The following GGACT variants were observed in gnomAD, a reference collection of about 807,000 sequenced individuals.
GGACT encodes the protein gamma-glutamylaminecyclotransferase.
For missense variants in GGACT, 241 were observed against 233.2 expected (o/e 1.03, Z -0.22); for synonymous variants, 118 against 115.3 (o/e 1.02, Z -0.15).
chr13:100,532,233 C>T lies in GGACT; in HGVS notation c.359G>A (p.Ser120Asn). The change falls in exon 3 of 3, where the codon AGC becomes AAC. Residue 120 changes from serine to asparagine, a missense_variant. By Grantham distance (46) the Ser-to-Asn change is conservative (BLOSUM62 1). Transcript: ENST00000683975. ...CCACTCCGGCGGGAAGGTGGCCCTG[C>T]TGTACACGAAGCACTGCACCGCGGT... ...APTAVQCFVYSRATFPPEWAQ... is the reference protein window; with the variant it reads ...APTAVQCFVYNRATFPPEWAQ... 1 of 1,499,766 alleles carries T rather than the reference C, an allele frequency of 6.7e-7. No individual in the cohort carries two copies. Among genetic ancestry groups the T allele is most frequent in the Non-Finnish European group, 8.9e-7 (1 of 1,117,530 alleles). The allele number at this position is 1,499,766 out of a possible 1,614,324, so 92.9% of individuals were successfully genotyped here. A position where few individuals can be genotyped will look rare whatever the true frequency, so the allele number is the denominator to read the frequency against.
At chr13:100,569,331 C>G (rs1378588851) in intron 2 of GGACT, among the ~76,000 whole-genome samples, 1 of 152,266 alleles carries the variant, frequency 6.6e-6, no homozygotes, top group Non-Finnish European at 1.5e-5. Context: ...GAAATCTAGG[C>G]AGAGGTTCCC....
intron 1 of GGACT, among the ~76,000 whole-genome samples, chr13:100,587,887 G>A (rs1234096559): frequency 2.6e-5 from 4 of 152,166 alleles, no homozygotes; most frequent in African/African-American, 9.7e-5. Flanking sequence ...TAAGCTGGGC[G>A]TGATAGCAGG....
intron 2 of GGACT, among the ~76,000 whole-genome samples, chr13:100,569,807 C>T (rs1172420874): frequency 6.6e-6 from 1 of 152,208 alleles, no homozygotes; most frequent in Non-Finnish European, 1.5e-5. Context: ...GAAACTTCTA[C>T]CACCAGATAC....
chr13:100,532,168 G>GC lies in GGACT; in HGVS notation c.423dup (p.Pro142AlafsTer48). On this transcript the variant is annotated frameshift_variant, in exon 3 of 3. Coordinates refer to ENST00000683975, the MANE Select transcript of GGACT (RefSeq NM_001195087.2). LOFTEE classifies it high-confidence loss of function. ...CGGGGGTTGTAGCGCAGCCCGTGCG[G>GC]CCCCTCGGAGTCGTAGCTGTCATGG... The GC allele has an allele frequency of 2.1e-6, 3 of 1,460,714 alleles. No homozygotes were observed. The highest frequency in any genetic ancestry group is 1.8e-6 in the Non-Finnish European group (2 of 1,100,648). 90.5% of individuals were successfully genotyped at this position (1,460,714 alleles called of 1,614,324 possible).
At chr13:100,536,500 GT>G (rs1255813743) in intron 2 of GGACT, 9 of 144,522 alleles carry the variant, frequency 6.2e-5, no homozygotes, top group African/African-American at 2.1e-4. Flanking sequence ...TATTTTTCTT[GT>G]TGTGTGTTTT....
rs1471716363 is a variant in GGACT, at chr13:100,557,015, A to G, written c.-10-24414T>C. Among the ~76,000 whole-genome samples, 30 of 152,054 alleles carry G rather than the reference A, an allele frequency of 2.0e-4. No individual in the cohort carries two copies. In the East Asian group the frequency reaches 5.3e-3, roughly 27 times the overall value. ...AGCGATTCTCATGCCTCAGCCTCCC[A>G]AGCAGCTGGGACTACAAGCATACAC... On this transcript the variant is annotated intron_variant, in intron 2 of 2. Coordinates refer to ENST00000683975, the MANE Select transcript of GGACT (RefSeq NM_001195087.2).
intron 2 of GGACT, among the ~76,000 whole-genome samples, chr13:100,549,361 A>T (rs1594187851): frequency 6.6e-6 from 1 of 152,152 alleles, no homozygotes. Context: ...ATCAACAGCC[A>T]CCCATGTGGC....
At chr13:100,548,519 G>A (rs1439580725) in intron 2 of GGACT, among the ~76,000 whole-genome samples, 2 of 152,210 alleles carry the variant, frequency 1.3e-5, no homozygotes, top group African/African-American at 4.8e-5. Flanking sequence ...TAAAAGTGAA[G>A]AAATACAAAT....
At chr13:100,547,971 A>C (rs2088623910) in intron 2 of GGACT, among the ~76,000 whole-genome samples, 2 of 152,246 alleles carry the variant, frequency 1.3e-5, no homozygotes, top group South Asian at 4.1e-4. Context: ...ACACGCTGGC[A>C]GTTGCTCAAA....
chr13:100,551,292 A>C (rs1196754474), intron 2 of GGACT, among the ~76,000 whole-genome samples: 1 of 152,088 alleles, frequency 6.6e-6, no homozygotes, highest in African/African-American at 2.4e-5. Context: ...TCAAAAAAAA[A>C]ACAAAAACCC....
intron 2 of GGACT, among the ~76,000 whole-genome samples, chr13:100,553,243 T>C (rs2153014418): frequency 6.6e-6 from 1 of 152,128 alleles, no homozygotes; most frequent in Non-Finnish European, 1.5e-5. Flanking sequence ...TTAGGAAAGC[T>C]GAGCCTGTGT....
rs755844327 is a variant in GGACT at position 100,532,197 on chromosome 13, G to C, written c.395C>G (p.Pro132Arg). 2.0e-6 allele frequency: 3 copies of C among 1,476,118 alleles called. No homozygotes were observed. The Admixed American group carries it at 7.1e-5, about 35-fold the overall frequency. 91.4% of individuals were successfully genotyped at this position (1,476,118 alleles called of 1,614,324 possible). The change falls in exon 3 of 3, where the codon CCG becomes CGG. Residue 132 changes from proline to arginine, a missense_variant. By Grantham distance (103) the Pro-to-Arg change is moderately radical. Coordinates refer to ENST00000683975, the MANE Select transcript of GGACT (RefSeq NM_001195087.2). The stretch of plus-strand genomic sequence containing the variant: ...CTCGGAGTCGTAGCTGTCATGGTGC[G>C]GGAGCTGGGCCCACTCCGGCGGGAA... ...ATFPPEWAQL[P>R]HHDSYDSEGP... is the part of the protein sequence containing the mutation.
intron 2 of GGACT, among the ~76,000 whole-genome samples, chr13:100,533,993 C>T (rs1489315058): frequency 1.3e-5 from 2 of 152,218 alleles, no homozygotes; most frequent in South Asian, 2.1e-4. Context: ...GAAACAGCAG[C>T]GGCTCGTGAC....
chr13:100,537,303 T>G (rs1274285993), intron 2 of GGACT: 1 of 152,244 alleles, frequency 6.6e-6, no homozygotes, highest in Non-Finnish European at 1.5e-5. Context: ...GAGGTTTTCT[T>G]CAGGTACAGG....
intron 2 of GGACT, among the ~76,000 whole-genome samples, chr13:100,549,205 G>A (rs1208427938): frequency 6.6e-6 from 1 of 152,202 alleles, no homozygotes; most frequent in Non-Finnish European, 1.5e-5. Flanking sequence ...GCCAGATGTG[G>A]TGGGTGCCTG....
At position 100,530,223 on chromosome 13, in the gene GGACT, T is replaced by G; in HGVS notation, c.*1907A>C. ...TTAATTAGCCATTTGCATGATGCTT[T>G]CACACACAATTGATTCAAGCATTAT... On this transcript the variant is annotated 3_prime_UTR_variant, in exon 3 of 3. Transcript: ENST00000683975. 7.7e-7 allele frequency: 1 copy of G among 1,299,854 alleles called. No homozygotes were observed. Among genetic ancestry groups the G allele is most frequent in the Admixed American group, 1.7e-5 (1 of 58,538 alleles). 80.5% of individuals were successfully genotyped at this position (1,299,854 alleles called of 1,614,324 possible).
At chr13:100,551,055 C>T (rs762192368) in intron 2 of GGACT, among the ~76,000 whole-genome samples, 13 of 152,194 alleles carry the variant, frequency 8.5e-5, no homozygotes, top group Non-Finnish European at 1.3e-4. Flanking sequence ...GAGGCCGAGG[C>T]GGGTGGATCA....
chr13:100,552,523 T>C (rs1426477137), intron 2 of GGACT, among the ~76,000 whole-genome samples: 5 of 152,218 alleles, frequency 3.3e-5, no homozygotes, highest in African/African-American at 9.6e-5. Flanking sequence ...CGGTGACCTG[T>C]CGTGAGCCTT....
chr13:100,559,446 C>T (rs1203605833), intron 2 of GGACT, among the ~76,000 whole-genome samples: 1 of 152,146 alleles, frequency 6.6e-6, no homozygotes, highest in Middle Eastern at 3.2e-3. Context: ...CTCGGCCTCC[C>T]AATGTGCTGG....
Sources: allele counts gnomAD v4.1 joint callset (sites outside exome capture counted in the v4.1 genomes callset), GRCh38; gene constraint gnomAD v4.1.1; transcripts MANE v1.5; gene names NCBI Gene and HGNC (gene_info 2026-07-23, HGNC 2026-07-21).